The following TPM1 variants were observed in gnomAD, a reference collection of about 807,000 sequenced individuals.
The protein encoded by TPM1 is tropomyosin 1, also known as tropomyosin alpha-1 chain.
A neutral mutation model predicts 42.9 loss-of-function variants in TPM1; 24 were observed. The ratio of observed to expected loss-of-function variants is 0.56; its 90% CI spans 0.41 to 0.79. The LOEUF (loss-of-function observed/expected upper bound fraction) is 0.79. Ranked by LOEUF, TPM1 falls within the 30% of genes least tolerant of loss-of-function variation. The pLI is 0.00. For missense variants in TPM1, 158 were observed against 351.8 expected (o/e 0.45, Z 4.41); for synonymous variants, 136 against 130.1 (o/e 1.05, Z -0.31).
chr15:63,061,666 C>A (rs77362326), intron 5 of TPM1, 47 bp from the exon 6 acceptor site: 1 of 1,569,760 alleles, frequency 6.4e-7, no homozygotes, highest in Admixed American at 1.7e-5. Flanking sequence ...TCTCCTCCTT[C>A]CTTTGGCTTG....
chr15:63,047,591 AG>A (rs1253562134), intron 2 of TPM1: 1 of 152,292 alleles, frequency 6.6e-6, no homozygotes, highest in South Asian at 2.1e-4. Context: ...CTGACACCAA[AG>A]AAGGCTGTAA....
intron 9 of TPM1, chr15:63,064,604 G>C: frequency 9.7e-7 from 1 of 1,032,428 alleles, no homozygotes; most frequent in Non-Finnish European, 1.2e-6. Context: ...CTGAGGATAA[G>C]GAAATTGGCA....
rs777547120 is a variant in TPM1, at chr15:63,051,272, T to C, written c.241-5713T>C. Among the ~76,000 whole-genome samples, 8 of 152,344 alleles carry C rather than the reference T, an allele frequency of 5.3e-5. No individual in the cohort carries two copies. The East Asian group carries it at 1.5e-3, about 29-fold the overall frequency. On this transcript the variant is annotated intron_variant, in intron 2 of 9. Transcript: ENST00000403994. Reference sequence around the variant, plus strand: ...TTACAAAAATTCCCAGCACTTTCCCTCTTTACACTTGGTAAGTATTTCCGG... The same window carrying C: ...TTACAAAAATTCCCAGCACTTTCCCCCTTTACACTTGGTAAGTATTTCCGG...
At chr15:63,050,900 A>G (rs895225840) in intron 2 of TPM1, among the ~76,000 whole-genome samples, 8 of 152,250 alleles carry the variant, frequency 5.3e-5, no homozygotes, top group African/African-American at 1.9e-4. Context: ...ACTGCAAAAA[A>G]TATTTGACCA....
intron 2 of TPM1, among the ~76,000 whole-genome samples, chr15:63,053,100 C>T (rs2034197373): frequency 6.6e-6 from 1 of 152,224 alleles, no homozygotes; most frequent in South Asian, 2.1e-4. Context: ...TAGGCATTGA[C>T]TTCTGGGCTA....
chr15:63,043,413 G>C, intron 1 of TPM1: 1 of 629,836 alleles, frequency 1.6e-6, no homozygotes, highest in Non-Finnish European at 2.9e-6. Flanking sequence ...GGGCGGAATG[G>C]AGGCTACAGC....
At position 63,044,535 on chromosome 15, in the gene TPM1, C is replaced by T. The variant is rs2031982084; in HGVS notation, c.240+383C>T. 1.1e-5 allele frequency: 5 copies of T among 467,950 alleles called. No individual in the cohort carries two copies. The South Asian group carries it at 1.1e-4, about 11-fold the overall frequency. The allele number at this position is 467,950 out of a possible 1,614,324, so 29.0% of individuals were successfully genotyped here. ...TTTTCTTCACTTTCTTTCCTTTTGC[C>T]GTTTCCAGTGGGTGGGAAGTTCTGG... On this transcript the variant is annotated intron_variant, in intron 2 of 9. Transcript: ENST00000403994.
At chr15:63,048,783 TC>T (rs550511038) in intron 2 of TPM1, 172 of 1,480,502 alleles carry the variant, frequency 1.2e-4, no homozygotes, top group Admixed American at 1.3e-4. Context: ...CCCTCCTGCT[TC>T]CCCCCCCGCA....
At chr15:63,055,897 A>G (rs932040382) in intron 2 of TPM1, 7 of 152,246 alleles carry the variant, frequency 4.6e-5, no homozygotes, top group Non-Finnish European at 1.0e-4. Context: ...CAGGAAAAAA[A>G]TCATTGCCTC....
chr15:63,066,379 T>C (rs76163561), downstream of TPM1, among the ~76,000 whole-genome samples: 2,150 of 152,308 alleles, frequency 0.014, 22 homozygotes, highest in Non-Finnish European at 0.024. Context: ...TTGTGATGGC[T>C]CTGCTTTGCA....
At chr15:63,066,506 C>T (rs74021743), downstream of TPM1, among the ~76,000 whole-genome samples, 421 of 152,196 alleles carry the variant, frequency 2.8e-3, 1 homozygote, top group African/African-American at 9.4e-3. Context: ...TTGATTATTT[C>T]GGTGGCCTTA....
At chr15:63,069,814 G>C, downstream of TPM1, 1 of 1,611,304 alleles carries the variant, frequency 6.2e-7, no homozygotes, top group Admixed American at 1.7e-5. Context: ...CACCAAGTCT[G>C]CTAACCTGTC....
intron 7 of TPM1, 149 bp from the exon 8 acceptor site, chr15:63,062,427 C>T (rs1450922063): frequency 8.1e-7 from 1 of 1,233,632 alleles, no homozygotes; most frequent in East Asian, 2.5e-5. Flanking sequence ...TGCTAACTGC[C>T]ATTTCTCACA....
chr15:63,070,813 C>G, downstream of TPM1: 4 of 1,247,372 alleles, frequency 3.2e-6, no homozygotes, highest in Non-Finnish European at 4.1e-6. Flanking sequence ...GTCAGTGAAC[C>G]TTCACCAAAC....
intron 2 of TPM1, chr15:63,055,733 T>C (rs1418712969): frequency 1.3e-5 from 2 of 152,212 alleles, no homozygotes; most frequent in African/African-American, 4.8e-5. Flanking sequence ...TTAGTGAACA[T>C]ACATTCAAAG....
intron 2 of TPM1, among the ~76,000 whole-genome samples, chr15:63,050,306 G>GA (rs1419094638): frequency 6.6e-6 from 1 of 152,154 alleles, no homozygotes; most frequent in Non-Finnish European, 1.5e-5. Flanking sequence ...TTGTTGGGGC[G>GA]GGGGGCTTGA....
downstream of TPM1, among the ~76,000 whole-genome samples, chr15:63,066,383 C>T (rs2036276218): frequency 6.6e-6 from 1 of 152,176 alleles, no homozygotes; most frequent in Admixed American, 6.5e-5. Context: ...GATGGCTCTG[C>T]TTTGCAGTCT....
chr15:63,064,523 C>T, intron 9 of TPM1: 6 of 1,089,938 alleles, frequency 5.5e-6, no homozygotes, highest in Non-Finnish European at 6.7e-6. Flanking sequence ...TGAAATTCAA[C>T]TAAGTACAAC....
chr15:63,043,029 T>A, intron 1 of TPM1, 86 bp downstream of exon 1: 1 of 1,255,070 alleles, frequency 8.0e-7, no homozygotes, highest in Non-Finnish European at 1.1e-6. Flanking sequence ...CCCCGAGGAC[T>A]CGGGGAGCCA....
Sources: gnomAD v4.1 joint callset for allele counts (sites outside exome capture counted in the v4.1 genomes callset) on GRCh38, gnomAD v4.1.1 for gene constraint, MANE v1.5 for transcripts, NCBI Gene and HGNC (gene_info 2026-07-23, HGNC 2026-07-21) for gene names.